Variants in FARS2 observed in about 807,000 individuals in gnomAD.
FARS2 encodes phenylalanyl-tRNA synthetase 2, mitochondrial.
In FARS2, 40 loss-of-function variants were observed where a neutral mutation model predicts 46.4. That is an observed-to-expected ratio of 0.86 (90% CI 0.67 to 1.12). The LOEUF (loss-of-function observed/expected upper bound fraction) is 1.12, where lower values mean the gene tolerates loss of function less well. Among genes scored for constraint, FARS2 ranks in the 50% most tolerant of loss-of-function variants. The pLI is 0.00. For synonymous variants in FARS2, 234 were observed against 214.9 expected (o/e 1.09, Z -0.78); for missense variants, 513 against 567.9 (o/e 0.90, Z 0.98).
chr6:5,390,911 A>G (rs1253988958), intron 2 of FARS2, among the ~76,000 whole-genome samples: 2 of 152,236 alleles, frequency 1.3e-5, no homozygotes, highest in Non-Finnish European at 2.9e-5. Flanking sequence ...ATAACCCAAG[A>G]AACTGTTCAC....
rs186506969 is a variant in FARS2 at position 5,322,022 on chromosome 6, G to T, written c.-21-46528G>T. Among the ~76,000 whole-genome samples, 635 of 152,294 alleles carry T rather than the reference G, an allele frequency of 4.2e-3. 5 individuals carry two copies. The highest frequency in any genetic ancestry group is 6.6e-3 in the Non-Finnish European group (447 of 68,018). On this transcript the variant is annotated intron_variant, in intron 1 of 6. Transcript: ENST00000274680. Reference sequence around the variant, plus strand: ...GTTTGAAGCAAGAATTGAAGGGAAGGTTCATTTATTCACCACATGCTACTG... The same window carrying T: ...GTTTGAAGCAAGAATTGAAGGGAAGTTTCATTTATTCACCACATGCTACTG...
At chr6:5,735,311 T>C (rs1386228075) in intron 6 of FARS2, among the ~76,000 whole-genome samples, 1 of 152,256 alleles carries the variant, frequency 6.6e-6, no homozygotes, top group Non-Finnish European at 1.5e-5. Flanking sequence ...TTCTATCCAC[T>C]GCTATTTCCA....
intron 5 of FARS2, among the ~76,000 whole-genome samples, chr6:5,605,849 T>G (rs919348723): frequency 6.6e-6 from 1 of 151,044 alleles, no homozygotes; most frequent in African/African-American, 2.4e-5. Context: ...CTGGCAGAAA[T>G]GAAGGGTAAG....
At chr6:5,617,558 A>G (rs1233010940) in intron 6 of FARS2, among the ~76,000 whole-genome samples, 1 of 152,266 alleles carries the variant, frequency 6.6e-6, no homozygotes, top group Non-Finnish European at 1.5e-5. Context: ...CCACTCAGCT[A>G]GAAGTCTATA....
At chr6:5,498,797 A>T (rs1767623464) in intron 4 of FARS2, among the ~76,000 whole-genome samples, 6 of 152,240 alleles carry the variant, frequency 3.9e-5, no homozygotes, top group Admixed American at 3.9e-4. Context: ...ATCTGAGTTA[A>T]GACGAGGGAG....
intron 6 of FARS2, among the ~76,000 whole-genome samples, chr6:5,640,139 G>GGT (rs3057207): frequency 0.018 from 2,676 of 149,522 alleles, 62 homozygotes; most frequent in East Asian, 0.12. Flanking sequence ...ACTTTTGTCA[G>GGT]GTGTGTGTGT....
chr6:5,724,662 A>C (rs1008725790), intron 6 of FARS2, among the ~76,000 whole-genome samples: 5 of 152,180 alleles, frequency 3.3e-5, no homozygotes, highest in Non-Finnish European at 7.4e-5. Context: ...TCACGGAAGG[A>C]TCTTGAGGCT....
chr6:5,335,865 G>A (rs1771122299), intron 1 of FARS2, among the ~76,000 whole-genome samples: 2 of 152,188 alleles, frequency 1.3e-5, no homozygotes, highest in Non-Finnish European at 2.9e-5. Flanking sequence ...GTAGCAGGAC[G>A]ATATGTGTAG....
chr6:5,710,236 C>T (rs116608821), intron 6 of FARS2, among the ~76,000 whole-genome samples: 1,749 of 152,300 alleles, frequency 0.011, 35 homozygotes, highest in African/African-American at 0.04. Context: ...TACAACGCAG[C>T]ATGGTCCAAG....
intron 3 of FARS2, among the ~76,000 whole-genome samples, chr6:5,429,852 G>T (rs1763062427): frequency 1.3e-5 from 2 of 151,916 alleles, no homozygotes; most frequent in Non-Finnish European, 2.9e-5. Context: ...AAGAGCAGGG[G>T]TTTTGGAGTT....
intron 4 of FARS2, among the ~76,000 whole-genome samples, chr6:5,434,269 A>G (rs996225569): frequency 1.3e-5 from 2 of 151,964 alleles, no homozygotes; most frequent in African/African-American, 4.8e-5. Context: ...CCTCCACCAC[A>G]CCTGGCTAAT....
At chr6:5,300,593 G>T (rs1400491765) in intron 1 of FARS2, among the ~76,000 whole-genome samples, 3 of 151,988 alleles carry the variant, frequency 2.0e-5, no homozygotes, top group Non-Finnish European at 4.4e-5. Context: ...TGGTGGGTGG[G>T]GCAGGGGACA....
At chr6:5,373,685 G>A (rs1303391294) in intron 2 of FARS2, among the ~76,000 whole-genome samples, 1 of 152,024 alleles carries the variant, frequency 6.6e-6, no homozygotes, top group Non-Finnish European at 1.5e-5. Flanking sequence ...AATACTCTTG[G>A]TGTGTTGAGT....
chr6:5,655,803 T>A (rs755219201), intron 6 of FARS2, among the ~76,000 whole-genome samples: 20 of 152,232 alleles, frequency 1.3e-4, no homozygotes, highest in Non-Finnish European at 2.5e-4. Flanking sequence ...GGATCATTCT[T>A]TTACCTACCA....
chr6:5,312,467 G>A (rs527670048), intron 1 of FARS2, among the ~76,000 whole-genome samples: 56 of 152,232 alleles, frequency 3.7e-4, no homozygotes, highest in Middle Eastern at 3.4e-3. Flanking sequence ...TAGAGAATAC[G>A]TTAACAGTGG....
At chr6:5,619,452 C>T (rs1775649884) in intron 6 of FARS2, among the ~76,000 whole-genome samples, 2 of 152,222 alleles carry the variant, frequency 1.3e-5, no homozygotes, top group South Asian at 4.2e-4. Context: ...CTCACAGTCG[C>T]AGATGGGGCT....
chr6:5,256,666 G>A (rs1252627959), upstream of FARS2, among the ~76,000 whole-genome samples: 2 of 152,072 alleles, frequency 1.3e-5, no homozygotes, highest in East Asian at 1.9e-4. Context: ...AGAGTTGGTG[G>A]TGCTGACTAC....
intron 6 of FARS2, among the ~76,000 whole-genome samples, chr6:5,730,645 C>T (rs2150935736): frequency 6.6e-6 from 1 of 152,258 alleles, no homozygotes; most frequent in East Asian, 1.9e-4. Flanking sequence ...AATTAAACCT[C>T]CTCCTAAGAG....
chr6:5,658,242 G>T (rs1293505411), intron 6 of FARS2, among the ~76,000 whole-genome samples: 3 of 130,722 alleles, frequency 2.3e-5, no homozygotes, highest in African/African-American at 8.5e-5. Context: ...AGCAACAAGA[G>T]TGAAACTCTG....
Sources: gnomAD v4.1 joint callset for allele counts (sites outside exome capture counted in the v4.1 genomes callset) on GRCh38, gnomAD v4.1.1 for gene constraint, MANE v1.5 for transcripts, NCBI Gene and HGNC (gene_info 2026-07-23, HGNC 2026-07-21) for gene names.